RAB7A: variants seen among roughly 807,000 people sequenced by gnomAD.
RAB7A encodes ras-related protein Rab-7a.
Under a neutral mutation model 24.5 loss-of-function variants are expected in RAB7A, and 2 were observed. That is an observed-to-expected ratio of 0.08 (90% CI 0.03 to 0.26). RAB7A has a LOEUF of 0.26. RAB7A is among the 10% of genes least tolerant of loss of function. RAB7A has a pLI of 1.00. For synonymous variants in RAB7A, 100 were observed against 95.9 expected (o/e 1.04, Z -0.25); for missense variants, 118 against 255.7 (o/e 0.46, Z 3.67).
In RAB7A at chr3:128,813,513, A is replaced by AC; in HGVS notation, c.*92dup. ...ATTCCCCTCTCCTCTTCCAAACAAA[A>AC]CATACATTGATCTCTCACATCCAGC... On this transcript the variant is annotated 3_prime_UTR_variant, in exon 6 of 6. Transcript: ENST00000265062. 8.1e-7 allele frequency: 1 copy of AC among 1,232,522 alleles called. No homozygotes were observed. Among genetic ancestry groups the AC allele is most frequent in the Non-Finnish European group, 1.2e-6 (1 of 840,544 alleles). 76.3% of individuals were successfully genotyped at this position (1,232,522 alleles called of 1,614,324 possible). A position where few individuals can be genotyped will look rare whatever the true frequency, so the allele number is the denominator to read the frequency against.
chr3:128,750,803 A>G (rs962732269), intron 1 of RAB7A, among the ~76,000 whole-genome samples: 2 of 152,360 alleles, frequency 1.3e-5, no homozygotes, highest in Non-Finnish European at 2.9e-5. Flanking sequence ...AGAGGTCCTC[A>G]TGGCAGCCCT....
rs994998825 is a variant in RAB7A, at chr3:128,767,111, C to T, written c.-8-28249C>T. The stretch of plus-strand genomic sequence containing the variant: ...TGCCTGATCCTGCCTCACCCTGCTG[C>T]GCGTTGGCATTCAGATTTGACTTAA... On this transcript the variant is annotated intron_variant, in intron 1 of 5. Transcript: ENST00000265062. Among the ~76,000 whole-genome samples the T allele has an allele frequency of 2.0e-5, 3 of 152,162 alleles. No homozygotes were observed. In the East Asian group the frequency reaches 5.8e-4, roughly 29 times the overall value.
chr3:128,746,778 C>G lies in RAB7A; in HGVS notation c.-9+20419C>G, dbSNP rs141120679. ...TCTCTTAACCTCGTGATCCACCCGC[C>G]TTGGCCTCCCGAAGTGCTGGGATTA... On this transcript the variant is annotated intron_variant, in intron 1 of 5. Transcript: ENST00000265062. 8.8e-3 allele frequency among the ~76,000 whole-genome samples: 1,322 copies of G among 150,438 alleles called. 10 individuals are homozygous for G. Among genetic ancestry groups the G allele is most frequent in the Non-Finnish European group, 0.014 (942 of 68,002 alleles).
chr3:128,808,405 A>G (rs1049288380), intron 5 of RAB7A, among the ~76,000 whole-genome samples: 2 of 151,852 alleles, frequency 1.3e-5, no homozygotes, highest in Admixed American at 6.6e-5. Context: ...CTGAACTTCT[A>G]CCCCCTCACC....
chr3:128,788,971 T>C (rs1428920483), intron 1 of RAB7A, among the ~76,000 whole-genome samples: 3 of 152,362 alleles, frequency 2.0e-5, no homozygotes, highest in African/African-American at 7.2e-5. Flanking sequence ...TGATTTGTTA[T>C]GAGAAACATT....
intron 1 of RAB7A, among the ~76,000 whole-genome samples, chr3:128,774,126 C>T (rs1933023415): frequency 7.0e-6 from 1 of 142,302 alleles, no homozygotes; most frequent in South Asian, 2.3e-4. Context: ...ATAAGGTAAT[C>T]TACATCTTCT....
chr3:128,785,776 G>T (rs1933324859), intron 1 of RAB7A, among the ~76,000 whole-genome samples: 1 of 151,610 alleles, frequency 6.6e-6, no homozygotes, highest in African/African-American at 2.4e-5. Context: ...ATTCTTTAAG[G>T]TATTTGGTCA....
intron 3 of RAB7A, among the ~76,000 whole-genome samples, chr3:128,800,788 G>A (rs1483291471): frequency 2.6e-5 from 4 of 152,196 alleles, no homozygotes; most frequent in African/African-American, 9.6e-5. Flanking sequence ...TTAAGGGCTA[G>A]TGGCAGAAGT....
At chr3:128,765,641 C>G (rs1210042017) in intron 1 of RAB7A, among the ~76,000 whole-genome samples, 1 of 152,162 alleles carries the variant, frequency 6.6e-6, no homozygotes, top group African/African-American at 2.4e-5. Flanking sequence ...TATGTGTCCT[C>G]ACATGGTGGA....
chr3:128,795,496 T>C (rs187204546), intron 2 of RAB7A, 76 bp downstream of exon 2: 2 of 1,358,136 alleles, frequency 1.5e-6, no homozygotes, highest in East Asian at 2.3e-5. Flanking sequence ...ACACTGTCCG[T>C]GCTGCCACTT....
chr3:128,752,829 G>A (rs566994174), intron 1 of RAB7A, among the ~76,000 whole-genome samples: 35 of 150,806 alleles, frequency 2.3e-4, no homozygotes, highest in African/African-American at 8.1e-4. Context: ...TGCTACAACA[G>A]CCTTTTTTAT....
chr3:128,754,716 C>T (rs909411345), intron 1 of RAB7A, among the ~76,000 whole-genome samples: 4 of 152,136 alleles, frequency 2.6e-5, no homozygotes, highest in Non-Finnish European at 5.9e-5. Context: ...AAAAGATACT[C>T]TCTTCATATA....
At chr3:128,756,098 G>A (rs1295269617) in intron 1 of RAB7A, among the ~76,000 whole-genome samples, 1 of 152,222 alleles carries the variant, frequency 6.6e-6, no homozygotes, top group Non-Finnish European at 1.5e-5. Context: ...AGCACTTTGG[G>A]AGGCTGAGGC....
intron 1 of RAB7A, among the ~76,000 whole-genome samples, chr3:128,760,573 T>C (rs949339169): frequency 1.3e-5 from 2 of 152,188 alleles, no homozygotes; most frequent in African/African-American, 4.8e-5. Context: ...CCCTTAGATA[T>C]ACTGGGATGA....
chr3:128,733,212 T>C (rs1442697165), intron 1 of RAB7A, among the ~76,000 whole-genome samples: 2 of 152,236 alleles, frequency 1.3e-5, no homozygotes, highest in Non-Finnish European at 2.9e-5. Flanking sequence ...TTATCATCGA[T>C]GCCCTGATGC....
chr3:128,744,622 A>G (rs2070590739), intron 1 of RAB7A, among the ~76,000 whole-genome samples: 1 of 152,200 alleles, frequency 6.6e-6, no homozygotes, highest in Admixed American at 6.5e-5. Context: ...TGCCACTTGT[A>G]TAGCTCCCAG....
At chr3:128,743,914 G>A (rs767922856) in intron 1 of RAB7A, among the ~76,000 whole-genome samples, 3 of 151,296 alleles carry the variant, frequency 2.0e-5, no homozygotes, top group South Asian at 2.1e-4. Context: ...TCAGCCTCCC[G>A]AGTAGCTGGG....
intron 1 of RAB7A, among the ~76,000 whole-genome samples, chr3:128,748,111 C>A (rs180873401): frequency 1.9e-4 from 29 of 152,328 alleles, no homozygotes; most frequent in Non-Finnish European, 3.8e-4. Flanking sequence ...ATCCTAGAGG[C>A]CCCCTACTGG....
intron 1 of RAB7A, among the ~76,000 whole-genome samples, chr3:128,770,033 C>T (rs1351093823): frequency 2.0e-5 from 3 of 146,934 alleles, no homozygotes; most frequent in African/African-American, 2.5e-5. Context: ...GACGGAGTCT[C>T]GCTCTGTCAC....
Sources: allele counts gnomAD v4.1 joint callset (sites outside exome capture counted in the v4.1 genomes callset), GRCh38; gene constraint gnomAD v4.1.1; transcripts MANE v1.5; gene names NCBI Gene and HGNC (gene_info 2026-07-23, HGNC 2026-07-21).